Variants in CACNB4 observed in about 807,000 individuals in gnomAD.
CACNB4 encodes voltage-dependent L-type calcium channel subunit beta-4.
CACNB4 carries 32 observed loss-of-function variants against 71.2 expected under a neutral mutation model. The observed-to-expected ratio is 0.45, with a 90% CI of 0.34 to 0.60. The LOEUF (loss-of-function observed/expected upper bound fraction) is 0.60. CACNB4 is among the 20% of genes least tolerant of loss of function. The pLI is 0.01. For missense variants in CACNB4, 464 were observed against 647.9 expected, an observed-to-expected ratio of 0.72 and a Z score of 3.08; for synonymous variants, 231 against 236.9, an observed-to-expected ratio of 0.97 and a Z score of 0.23.
At chr2:151,967,031 G>A (rs1254795788) in intron 2 of CACNB4, 1 of 146,850 alleles carries the variant, frequency 6.8e-6, no homozygotes. Flanking sequence ...ATATGGCGCT[G>A]TCTCCACATT....
intron 2 of CACNB4, among the ~76,000 whole-genome samples, chr2:151,999,135 ACAAT>A (rs374802631): frequency 5.9e-5 from 9 of 152,254 alleles, no homozygotes; most frequent in South Asian, 2.1e-4. Context: ...AATTATCCAG[ACAAT>A]CAATCACTCA....
At chr2:151,950,699 T>C (rs1041991908) in intron 2 of CACNB4, among the ~76,000 whole-genome samples, 2 of 152,226 alleles carry the variant, frequency 1.3e-5, no homozygotes, top group Non-Finnish European at 2.9e-5. Context: ...ACTACATGAA[T>C]GTCTGACTAA....
intron 2 of CACNB4, among the ~76,000 whole-genome samples, chr2:151,917,181 G>C (rs2099857742): frequency 6.6e-6 from 1 of 152,174 alleles, no homozygotes; most frequent in African/African-American, 2.4e-5. Flanking sequence ...TGTATAAACT[G>C]AGTTTGGGTC....
At chr2:151,971,609 G>A in intron 2 of CACNB4, 1 of 702,970 alleles carries the variant, frequency 1.4e-6, no homozygotes, top group East Asian at 2.7e-5. Context: ...GTGGCTTTAT[G>A]TGTCACTTCA....
chr2:152,039,858 T>G (rs1390224498), intron 2 of CACNB4, among the ~76,000 whole-genome samples: 3 of 151,870 alleles, frequency 2.0e-5, no homozygotes, highest in Non-Finnish European at 4.4e-5. Flanking sequence ...AACATCTATT[T>G]TTCAAAAGAA....
chr2:151,839,324 C>A lies in CACNB4; in HGVS notation c.1358G>T (p.Arg453Leu), dbSNP rs768245741. ...HSTENSPIERRSLMTSDENYH... is the reference protein window; with the variant it reads ...HSTENSPIERLSLMTSDENYH... ...ATTTTCATCAGAGGTCATTAGACTTCGTCTTTCAATTGGAGAGTTCTCTGT... is the reference window on the plus strand; with the variant it reads ...ATTTTCATCAGAGGTCATTAGACTTAGTCTTTCAATTGGAGAGTTCTCTGT... The change falls in exon 14 of 14, where the codon CGA (arginine) becomes CTA (leucine). Residue 453 changes from arginine to leucine, a missense_variant. Around this residue, in one of 3 missense-constraint regions of CACNB4, gnomAD observed 115 missense variants for 128.8 expected, o/e 0.89. Coordinates refer to ENST00000539935, the MANE Select transcript of CACNB4 (RefSeq NM_000726.5). 8 of 1,612,856 alleles carry A rather than the reference C, an allele frequency of 5.0e-6. No homozygotes were observed. In the African/African-American group the frequency reaches 1.1e-4, roughly 22 times the overall value.
rs1209668774 is a variant in CACNB4 at position 151,856,490 on chromosome 2, A to G, written c.869-1115T>C. On this transcript the variant is annotated intron_variant, in intron 10 of 13. Transcript: ENST00000539935. Reference sequence around the variant, plus strand: ...GGCTAACTTTTGTATTATTAGTAGAAGCGAGATTTAGCCATGTTGGCCAGG... The same window carrying G: ...GGCTAACTTTTGTATTATTAGTAGAGGCGAGATTTAGCCATGTTGGCCAGG... Among the ~76,000 whole-genome samples, 7 of 152,108 alleles carry G rather than the reference A, an allele frequency of 4.6e-5. No homozygotes were observed. The East Asian group carries it at 1.4e-3, about 29-fold the overall frequency.
At chr2:151,970,627 A>C (rs1211329033) in intron 2 of CACNB4, 1 of 152,234 alleles carries the variant, frequency 6.6e-6, no homozygotes, top group African/African-American at 2.4e-5. Context: ...ACTTGTATTA[A>C]CACACAGTGG....
chr2:151,900,852 A>T (rs1173651144), intron 2 of CACNB4, among the ~76,000 whole-genome samples: 10 of 152,150 alleles, frequency 6.6e-5, no homozygotes, highest in African/African-American at 2.4e-4. Flanking sequence ...GGATATACAC[A>T]ATTTACCTAC....
rs2099861451 is a variant in CACNB4, at chr2:151,930,772, ATATG to A, written c.148-47406_148-47403del. Among the ~76,000 whole-genome samples, 3 of 152,174 alleles carry A rather than the reference ATATG, an allele frequency of 2.0e-5. No homozygotes were observed. The South Asian group carries it at 6.2e-4, about 31-fold the overall frequency. On this transcript the variant is annotated intron_variant, in intron 2 of 13. Transcript: ENST00000539935. ...ATTTTTTAAACCCATTTATTTTTAC[ATATG>A]TATGTATATGTACATGCATATATTT...
intron 9 of CACNB4, chr2:151,866,373 C>T (rs147347870): frequency 5.9e-5 from 9 of 152,346 alleles, no homozygotes; most frequent in East Asian, 1.9e-4. Context: ...TTTTGTCTAA[C>T]GTACTGCATT....
intron 2 of CACNB4, among the ~76,000 whole-genome samples, chr2:151,961,659 G>A (rs1032521682): frequency 6.6e-6 from 1 of 152,144 alleles, no homozygotes; most frequent in African/African-American, 2.4e-5. Flanking sequence ...GGGAAGCCGA[G>A]GCAGGAGGAC....
intron 2 of CACNB4, among the ~76,000 whole-genome samples, chr2:152,023,440 T>G (rs1683788185): frequency 6.6e-6 from 1 of 150,574 alleles, no homozygotes; most frequent in African/African-American, 2.4e-5. Flanking sequence ...AGAGGTGCTT[T>G]TTTTTTTTGG....
intron 2 of CACNB4, among the ~76,000 whole-genome samples, chr2:152,070,617 A>T (rs1686629855): frequency 1.3e-5 from 2 of 152,152 alleles, no homozygotes; most frequent in Admixed American, 6.6e-5. Flanking sequence ...TATGCTGTTG[A>T]CCCCTAAGTG....
At chr2:151,849,615 T>C (rs1361565372) in intron 12 of CACNB4, among the ~76,000 whole-genome samples, 2 of 152,114 alleles carry the variant, frequency 1.3e-5, no homozygotes, top group African/African-American at 4.8e-5. Context: ...GTGGAAATGA[T>C]GTGGTCTGGT....
intron 2 of CACNB4, among the ~76,000 whole-genome samples, chr2:151,892,744 T>C (rs140912940): frequency 0.011 from 1,701 of 152,266 alleles, 31 homozygotes; most frequent in Middle Eastern, 0.11. Flanking sequence ...AGCACAAAGC[T>C]TCATAGGAGC....
At chr2:151,914,405 G>T (rs1559984502) in intron 2 of CACNB4, among the ~76,000 whole-genome samples, 1 of 151,972 alleles carries the variant, frequency 6.6e-6, no homozygotes, top group African/African-American at 2.4e-5. Context: ...CTTTGCATTG[G>T]GTTAGAACAT....
intron 2 of CACNB4, among the ~76,000 whole-genome samples, chr2:151,927,689 G>C (rs751130366): frequency 2.0e-5 from 3 of 152,328 alleles, no homozygotes; most frequent in Non-Finnish European, 4.4e-5. Flanking sequence ...GCGCAATTGC[G>C]TGCTTCACCC....
chr2:152,094,818 C>T (rs1302212037), intron 2 of CACNB4, among the ~76,000 whole-genome samples: 3 of 152,120 alleles, frequency 2.0e-5, no homozygotes, highest in African/African-American at 7.2e-5. Context: ...CTAGATAATC[C>T]ATTCATAAAT....
Sources: gnomAD v4.1 joint callset for allele counts (sites outside exome capture counted in the v4.1 genomes callset) on GRCh38, gnomAD v4.1.1 for gene constraint, gnomAD v4.1.1 regional missense constraint, MANE v1.5 for transcripts, NCBI Gene and HGNC (gene_info 2026-07-23, HGNC 2026-07-21) for gene names.